Variants in FBLN2 observed in about 807,000 individuals in gnomAD.
The protein encoded by FBLN2 is fibulin 2.
FBLN2 carries 81 observed loss-of-function variants against 123.7 expected under a neutral mutation model. The ratio of observed to expected loss-of-function variants is 0.65; its 90% CI spans 0.55 to 0.79. The LOEUF is 0.79. Among genes scored for constraint, FBLN2 ranks in the 30% least tolerant of loss-of-function variants. The pLI is 0.00. For synonymous variants in FBLN2, 699 were observed against 701.4 expected (o/e 1.00, Z 0.05); for missense variants, 1,603 against 1,681.3 (o/e 0.95, Z 0.81).
At chr3:13,633,253 C>CCCG (rs1706321148) in intron 16 of FBLN2, among the ~76,000 whole-genome samples, 1 of 152,278 alleles carries the variant, frequency 6.6e-6, no homozygotes, top group African/African-American at 2.4e-5. Flanking sequence ...CCCGGGCTTG[C>CCCG]CCGCCACCCC....
chr3:13,581,287 C>T (rs1291991987), intron 2 of FBLN2, among the ~76,000 whole-genome samples: 1 of 151,882 alleles, frequency 6.6e-6, no homozygotes, highest in Non-Finnish European at 1.5e-5. Context: ...ACATGAAAGT[C>T]CGGTAGTGGT....
intron 1 of FBLN2, among the ~76,000 whole-genome samples, chr3:13,565,932 A>G (rs1703735014): frequency 6.6e-6 from 1 of 152,274 alleles, no homozygotes. Flanking sequence ...CCAGTGGCAT[A>G]AGAATGATAA....
chr3:13,611,317 A>AGTG (rs1705384925), intron 4 of FBLN2, among the ~76,000 whole-genome samples: 1 of 152,236 alleles, frequency 6.6e-6, no homozygotes, highest in African/African-American at 2.4e-5. Flanking sequence ...GTAAGCGCAC[A>AGTG]GCTCAGTGGC....
chr3:13,634,091 C>T (rs1003825199), intron 16 of FBLN2, among the ~76,000 whole-genome samples: 2 of 152,200 alleles, frequency 1.3e-5, no homozygotes, highest in African/African-American at 2.4e-5. Context: ...GCAGCACTCT[C>T]GGTCTTGCCC....
chr3:13,629,688 T>G (rs1229579018), intron 13 of FBLN2, 132 bp from the exon 14 acceptor site: 4 of 1,273,116 alleles, frequency 3.1e-6, no homozygotes, highest in Non-Finnish European at 4.3e-6. Context: ...TTCCCTGTCC[T>G]GGCCTCTCCC....
rs1703958556 is a variant in FBLN2, at chr3:13,571,561, C to G, written c.1206C>G (p.Thr402=). 1.2e-6 allele frequency: 2 copies of G among 1,613,418 alleles called. No individual in the cohort carries two copies. The highest frequency in any genetic ancestry group is 1.7e-5 in the Admixed American group (1 of 59,964). The change falls in exon 2 of 18, where the codon ACC becomes ACG. Residue 402 remains threonine (T), a synonymous_variant. Coordinates refer to ENST00000404922, the MANE Select transcript of FBLN2 (RefSeq NM_001004019.2). ...SLPDAAWIPP[T]REVPRKPQVL... The stretch of plus-strand genomic sequence containing the variant: ...CTGATGCAGCCTGGATCCCACCCAC[C>G]CGAGAAGTGCCCAGGAAGCCGCAAG...
In FBLN2 at chr3:13,613,903, C is replaced by T; in HGVS notation, c.1549-81C>T. 3 of 1,435,058 alleles carry T rather than the reference C, an allele frequency of 2.1e-6. 1 individual carries two copies. Among genetic ancestry groups the T allele is most frequent in the South Asian group, 2.7e-5 (2 of 73,950 alleles). 88.9% of individuals were successfully genotyped at this position (1,435,058 alleles called of 1,614,324 possible). A position where few individuals can be genotyped will look rare whatever the true frequency, so the allele number is the denominator to read the frequency against. On this transcript the variant is annotated intron_variant, in intron 4 of 17. Coordinates refer to ENST00000404922, the MANE Select transcript of FBLN2 (RefSeq NM_001004019.2). ...GGAGATAAGATAATGGTGAATTCAT[C>T]TCCATTTATCAGTCCCTCCCCTGAG...
At chr3:13,564,367 T>G (rs1395868142) in intron 1 of FBLN2, among the ~76,000 whole-genome samples, 1 of 152,230 alleles carries the variant, frequency 6.6e-6, no homozygotes, top group East Asian at 1.9e-4. Context: ...ATATAGCTGC[T>G]TATTATTTTT....
At chr3:13,583,035 C>G (rs1000982099) in intron 2 of FBLN2, among the ~76,000 whole-genome samples, 1 of 152,272 alleles carries the variant, frequency 6.6e-6, no homozygotes, top group Admixed American at 6.5e-5. Context: ...CTGGCTGTCT[C>G]CCTCCCATGC....
intron 1 of FBLN2, among the ~76,000 whole-genome samples, chr3:13,560,133 C>G (rs147160753): frequency 6.6e-6 from 1 of 152,142 alleles, no homozygotes; most frequent in Non-Finnish European, 1.5e-5. Context: ...GGACATTAAT[C>G]TTTGTAATTT....
chr3:13,555,734 G>A (rs533955954), intron 1 of FBLN2, among the ~76,000 whole-genome samples: 2 of 152,232 alleles, frequency 1.3e-5, no homozygotes, highest in African/African-American at 4.8e-5. Flanking sequence ...GATTACAGGC[G>A]TGAGCCACTG....
intron 2 of FBLN2, among the ~76,000 whole-genome samples, chr3:13,599,787 G>C (rs1005507916): frequency 4.6e-5 from 7 of 151,656 alleles, no homozygotes; most frequent in African/African-American, 1.7e-4. Flanking sequence ...GGTGGCTTGG[G>C]AAAATCCGGA....
chr3:13,560,306 T>C (rs1703569275), intron 1 of FBLN2, among the ~76,000 whole-genome samples: 1 of 152,060 alleles, frequency 6.6e-6, no homozygotes, highest in African/African-American at 2.4e-5. Context: ...GAAAGATTAT[T>C]TTTCCCAGGG....
chr3:13,638,100 G>T lies in FBLN2; in HGVS notation c.*181G>T, dbSNP rs770788705. 1.5e-6 allele frequency: 1 copy of T among 689,002 alleles called. No individual in the cohort carries two copies. Among genetic ancestry groups the T allele is most frequent in the South Asian group, 1.6e-5 (1 of 60,640 alleles). The allele number at this position is 689,002 out of a possible 1,614,324, so 42.7% of individuals were successfully genotyped here. A position where few individuals can be genotyped will look rare whatever the true frequency, so the allele number is the denominator to read the frequency against. ...GCAGGAGGAAGTTCCACGGCAGGTG[G>T]TGCGTTCCCACGCAGGCACCAAGTG... On this transcript the variant is annotated 3_prime_UTR_variant, in exon 18 of 18. Coordinates refer to ENST00000404922, the MANE Select transcript of FBLN2 (RefSeq NM_001004019.2).
intron 15 of FBLN2, 35 bp from the exon 16 acceptor site, chr3:13,631,294 C>A: frequency 1.3e-6 from 2 of 1,587,474 alleles, no homozygotes; most frequent in South Asian, 2.3e-5. Flanking sequence ...TGTGGGTGGA[C>A]GAGGTTCACC....
intron 1 of FBLN2, among the ~76,000 whole-genome samples, chr3:13,567,037 G>A (rs899074497): frequency 6.6e-6 from 1 of 152,220 alleles, no homozygotes; most frequent in African/African-American, 2.4e-5. Flanking sequence ...CTTTATCATT[G>A]CCCTGGGCCT....
At chr3:13,634,162 C>T (rs1017389650) in intron 16 of FBLN2, among the ~76,000 whole-genome samples, 16 of 152,200 alleles carry the variant, frequency 1.1e-4, no homozygotes, top group African/African-American at 3.4e-4. Context: ...GCCTCTCTTC[C>T]GGGGCTGAAT....
intron 9 of FBLN2, among the ~76,000 whole-genome samples, chr3:13,624,853 G>A (rs1358455601): frequency 6.6e-6 from 1 of 152,284 alleles, no homozygotes; most frequent in East Asian, 1.9e-4. Flanking sequence ...CCGCCACAAG[G>A]TGCAGCACCA....
At chr3:13,622,841 A>G (rs938276846) in intron 9 of FBLN2, among the ~76,000 whole-genome samples, 4 of 152,244 alleles carry the variant, frequency 2.6e-5, no homozygotes, top group African/African-American at 9.6e-5. Context: ...ACGGTGGTAA[A>G]TGCCATCACA....
Sources: allele counts gnomAD v4.1 joint callset (sites outside exome capture counted in the v4.1 genomes callset), GRCh38; gene constraint gnomAD v4.1.1; transcripts MANE v1.5; gene names NCBI Gene and HGNC (gene_info 2026-07-23, HGNC 2026-07-21).